Variants in SGCZ observed in about 807,000 individuals in gnomAD.
SGCZ encodes sarcoglycan zeta, also known as zeta-sarcoglycan.
A neutral mutation model predicts 41.3 loss-of-function variants in SGCZ; 40 were observed. That is an observed-to-expected ratio of 0.97 (90% CI 0.75 to 1.26). The LOEUF (loss-of-function observed/expected upper bound fraction) is 1.26, where lower values mean the gene tolerates loss of function less well. SGCZ is among the 50% of genes most tolerant of loss of function. The probability of loss-of-function intolerance (pLI) is 0.00; values close to 1 mark genes in which losing one functional copy is unlikely to be tolerated. For missense variants in SGCZ, 552 were observed against 369.8 expected (o/e 1.49, Z -4.04); for synonymous variants, 206 against 137.5 (o/e 1.50, Z -3.49).
chr8:14,597,321 T>C (rs1052292465), intron 1 of SGCZ, among the ~76,000 whole-genome samples: 11 of 152,128 alleles, frequency 7.2e-5, no homozygotes, highest in Admixed American at 6.5e-4. Context: ...TCAAGGACTT[T>C]TAAGTTAGAA....
intron 3 of SGCZ, among the ~76,000 whole-genome samples, chr8:14,296,940 A>G (rs1801031762): frequency 6.6e-6 from 1 of 151,794 alleles, no homozygotes. Context: ...TTTTTTTTTG[A>G]GTCGGATTTT....
chr8:15,102,157 CAA>C (rs1200905748), intron 1 of SGCZ, among the ~76,000 whole-genome samples: 1 of 152,136 alleles, frequency 6.6e-6, no homozygotes, highest in Non-Finnish European at 1.5e-5. Context: ...TACAAACAAC[CAA>C]GGTGTCCTTC....
intron 1 of SGCZ, among the ~76,000 whole-genome samples, chr8:14,595,805 T>A (rs1457955872): frequency 2.0e-5 from 3 of 152,192 alleles, no homozygotes; most frequent in African/African-American, 7.2e-5. Context: ...GAGTGGAAAA[T>A]TTAATTGTTC....
chr8:14,552,038 T>C (rs577855079), intron 2 of SGCZ, among the ~76,000 whole-genome samples: 2 of 152,068 alleles, frequency 1.3e-5, no homozygotes, highest in East Asian at 3.9e-4. Context: ...ATAATGAAAG[T>C]GAAATACATT....
intron 4 of SGCZ, among the ~76,000 whole-genome samples, chr8:14,171,478 A>AC (rs1804379767): frequency 6.6e-6 from 1 of 152,010 alleles, no homozygotes; most frequent in African/African-American, 2.4e-5. Flanking sequence ...CTGGTAGTAT[A>AC]ATCTCCTAGT....
intron 5 of SGCZ, chr8:14,161,416 G>C (rs1238617748): frequency 6.6e-6 from 1 of 152,156 alleles, no homozygotes; most frequent in African/African-American, 2.4e-5. Context: ...TGTGACTCTA[G>C]GGTGTGTAAG....
chr8:14,588,775 G>T (rs752222641), intron 1 of SGCZ, among the ~76,000 whole-genome samples: 24 of 151,934 alleles, frequency 1.6e-4, no homozygotes, highest in African/African-American at 4.4e-4. Context: ...TGATAACAAA[G>T]AATTTTTTTA....
intron 2 of SGCZ, among the ~76,000 whole-genome samples, chr8:14,496,167 G>A (rs957735882): frequency 6.6e-6 from 1 of 152,102 alleles, no homozygotes; most frequent in Non-Finnish European, 1.5e-5. Flanking sequence ...TTGGCCTCAG[G>A]CAATCCTCCT....
chr8:14,408,181 G>A (rs1213811586), intron 2 of SGCZ, among the ~76,000 whole-genome samples: 1 of 152,114 alleles, frequency 6.6e-6, no homozygotes, highest in Non-Finnish European at 1.5e-5. Context: ...ATTATGGAAA[G>A]AAGGAAACTG....
chr8:15,183,672 A>T (rs542555831), intron 1 of SGCZ, among the ~76,000 whole-genome samples: 6 of 152,218 alleles, frequency 3.9e-5, no homozygotes, highest in Non-Finnish European at 8.8e-5. Flanking sequence ...AATCACTAAT[A>T]TCTTCTTGTT....
chr8:14,868,947 A>G (rs1367462188), intron 1 of SGCZ, among the ~76,000 whole-genome samples: 1 of 152,146 alleles, frequency 6.6e-6, no homozygotes, highest in Non-Finnish European at 1.5e-5. Flanking sequence ...GCAGTAATTA[A>G]TAACTTACCA....
At chr8:14,617,238 G>A (rs1265012250) in intron 1 of SGCZ, among the ~76,000 whole-genome samples, 3 of 152,042 alleles carry the variant, frequency 2.0e-5, no homozygotes, top group African/African-American at 7.2e-5. Flanking sequence ...TTTATACTTA[G>A]CATATTCATA....
intron 2 of SGCZ, among the ~76,000 whole-genome samples, chr8:14,345,163 T>C (rs1328443730): frequency 1.3e-5 from 2 of 152,012 alleles, no homozygotes; most frequent in Admixed American, 6.6e-5. Context: ...AAAATACCCG[T>C]AAACTTATGA....
At chr8:14,896,225 C>G (rs1049424393) in intron 1 of SGCZ, among the ~76,000 whole-genome samples, 2 of 152,174 alleles carry the variant, frequency 1.3e-5, no homozygotes, top group African/African-American at 2.4e-5. Context: ...TCCGGGAAAG[C>G]TGACTTTCAA....
At chr8:14,997,696 A>G (rs1206592205) in intron 1 of SGCZ, among the ~76,000 whole-genome samples, 1 of 152,200 alleles carries the variant, frequency 6.6e-6, no homozygotes. Flanking sequence ...GCAGTGGCTC[A>G]CACCCATAAT....
chr8:14,635,828 G>A (rs563135981), intron 1 of SGCZ, among the ~76,000 whole-genome samples: 3 of 151,924 alleles, frequency 2.0e-5, no homozygotes, highest in Admixed American at 6.6e-5. Context: ...TGATGCTGGA[G>A]ATAGAATGAG....
Position 14,602,055 on chromosome 8 carries a change from G to C in SGCZ, c.40-47129C>G, listed in dbSNP as rs530998899. On this transcript the variant is annotated intron_variant, in intron 1 of 7. Transcript: ENST00000382080. ...GAATGGCATGAACCCGGGAGGCGGA[G>C]CTTGCAGTGAGCCGAGATTGCGCCA... Among the ~76,000 whole-genome samples the C allele has an allele frequency of 5.9e-5, 9 of 152,222 alleles. No individual in the cohort carries two copies. In the South Asian group the frequency reaches 1.7e-3, roughly 28 times the overall value.
rs74391480 is a variant in SGCZ, at chr8:14,236,396, G to C, written c.424+1196C>G. On this transcript the variant is annotated intron_variant, in intron 4 of 7. Transcript: ENST00000382080. ...TTTTACAAATAAAACTATATTTTTA[G>C]AAAATTCATATATGCTAAAATGTCT... 8.2e-4 allele frequency among the ~76,000 whole-genome samples: 125 copies of C among 151,838 alleles called. 2 individuals carry two copies. In the East Asian group the frequency reaches 0.023, roughly 28 times the overall value.
chr8:15,167,136 T>C (rs183687377), intron 1 of SGCZ, among the ~76,000 whole-genome samples: 119 of 152,356 alleles, frequency 7.8e-4, no homozygotes, highest in Admixed American at 7.7e-3. Context: ...GCCTGGTTCC[T>C]CTAAAATTTG....
Sources: gnomAD v4.1 joint callset for allele counts (sites outside exome capture counted in the v4.1 genomes callset) on GRCh38, gnomAD v4.1.1 for gene constraint, MANE v1.5 for transcripts, NCBI Gene and HGNC (gene_info 2026-07-23, HGNC 2026-07-21) for gene names.